Variants in MAST4 observed in about 807,000 individuals in gnomAD.
The protein encoded by MAST4 is microtubule associated serine/threonine kinase family member 4.
In MAST4, 89 loss-of-function variants were observed where a neutral mutation model predicts 162.7. The observed-to-expected ratio is 0.55, with a 90% CI of 0.46 to 0.65. The LOEUF (loss-of-function observed/expected upper bound fraction) is 0.65, where lower values mean the gene tolerates loss of function less well. Ranked by LOEUF, MAST4 falls within the 30% of genes least tolerant of loss-of-function variation. MAST4 has a pLI of 0.00. For synonymous variants in MAST4, 1,479 were observed against 1,361.1 expected, an observed-to-expected ratio of 1.09 and a Z score of -1.91; for missense variants, 3,153 against 3,374.0, an observed-to-expected ratio of 0.93 and a Z score of 1.62.
At chr5:66,696,250 G>A (rs536154930) in intron 1 of MAST4, among the ~76,000 whole-genome samples, 2 of 152,168 alleles carry the variant, frequency 1.3e-5, no homozygotes, top group South Asian at 4.2e-4. Context: ...GCTAAAGCAT[G>A]CAGGGCTTAA....
At chr5:66,745,876 A>G (rs756574856) in intron 1 of MAST4, among the ~76,000 whole-genome samples, 7 of 152,240 alleles carry the variant, frequency 4.6e-5, no homozygotes, top group Non-Finnish European at 8.8e-5. Context: ...TTTTAAAGCA[A>G]TTCTGGGTTG....
intron 3 of MAST4, among the ~76,000 whole-genome samples, chr5:66,834,463 G>A (rs1170197715): frequency 6.6e-6 from 1 of 152,170 alleles, no homozygotes; most frequent in African/African-American, 2.4e-5. Context: ...ACACCAGAGG[G>A]AAAGGGAGCC....
At chr5:66,936,674 G>A (rs1742784093) in intron 4 of MAST4, among the ~76,000 whole-genome samples, 1 of 152,162 alleles carries the variant, frequency 6.6e-6, no homozygotes, top group Non-Finnish European at 1.5e-5. Context: ...GTACATGCAG[G>A]TCACAGGGGA....
At position 66,759,881 on chromosome 5, in the gene MAST4, G is replaced by T; in HGVS notation, c.517+19G>T. The T allele has an allele frequency of 6.2e-7, 1 of 1,612,922 alleles. No individual in the cohort carries two copies. The highest frequency in any genetic ancestry group is 8.5e-7 in the Non-Finnish European group (1 of 1,179,242). Reference sequence around the variant, plus strand: ...CTGACTGGTGAGTCGCAGCGGCTTGGATGAGAGAAGGAATTGCATTTCTTT... The same window carrying T: ...CTGACTGGTGAGTCGCAGCGGCTTGTATGAGAGAAGGAATTGCATTTCTTT... On this transcript the variant is annotated intron_variant, in intron 2 of 28. Transcript: ENST00000403625.
At chr5:66,878,970 C>T (rs1761490640) in intron 3 of MAST4, among the ~76,000 whole-genome samples, 1 of 152,204 alleles carries the variant, frequency 6.6e-6, no homozygotes, top group Admixed American at 6.5e-5. Flanking sequence ...AAATGATTCT[C>T]AACTACCCTT....
chr5:67,078,665 ATATTTATATTATATT>A (rs952038090), intron 5 of MAST4, among the ~76,000 whole-genome samples: 1 of 135,842 alleles, frequency 7.4e-6, no homozygotes, highest in African/African-American at 2.8e-5. Flanking sequence ...TATTTATTTT[ATATTTATATTATATT>A]TATTTATATT....
At chr5:66,643,752 A>G (rs1745637159) in intron 1 of MAST4, among the ~76,000 whole-genome samples, 1 of 151,984 alleles carries the variant, frequency 6.6e-6, no homozygotes. Flanking sequence ...ATTAAACTGT[A>G]TTCATTCTGT....
intron 4 of MAST4, among the ~76,000 whole-genome samples, chr5:66,943,321 G>C (rs1213173266): frequency 1.3e-5 from 2 of 152,038 alleles, no homozygotes; most frequent in East Asian, 3.9e-4. Context: ...TTTATAAATG[G>C]AAGCTATGGT....
intron 3 of MAST4, among the ~76,000 whole-genome samples, chr5:66,861,295 T>C (rs1760099710): frequency 6.6e-6 from 1 of 152,200 alleles, no homozygotes; most frequent in Non-Finnish European, 1.5e-5. Flanking sequence ...GTGAATTGGG[T>C]CAGTGTTAAA....
intron 3 of MAST4, among the ~76,000 whole-genome samples, chr5:66,801,903 C>T (rs1292876734): frequency 6.6e-6 from 1 of 152,096 alleles, no homozygotes; most frequent in Non-Finnish European, 1.5e-5. Flanking sequence ...TGAAAAGCTG[C>T]AGAATTTATA....
Position 67,104,413 on chromosome 5 carries a change from C to T in MAST4, c.1194C>T (p.Tyr398=), listed in dbSNP as rs752527883. The T allele has an allele frequency of 6.2e-6, 10 of 1,613,754 alleles. No homozygotes were observed. In the African/African-American group the frequency reaches 1.1e-4, roughly 17 times the overall value. The change falls in exon 10 of 29, where the codon TAC becomes TAT. Residue 398 remains tyrosine, a synonymous_variant. Coordinates refer to ENST00000403625, the MANE Select transcript of MAST4 (RefSeq NM_001164664.2). ...EERLKEIITS[Y]SPDNVLPLAD... is the part of the protein sequence containing the mutation. The stretch of plus-strand genomic sequence containing the variant: ...GTCTAAAGGAAATTATCACCAGCTA[C>T]TCTCCTGACAACGTTCTACCCTTAG...
chr5:66,653,889 C>A (rs139385650), intron 1 of MAST4, among the ~76,000 whole-genome samples: 1 of 152,142 alleles, frequency 6.6e-6, no homozygotes, highest in Non-Finnish European at 1.5e-5. Context: ...GTTGTAAGTT[C>A]TGTAAAGGAG....
At position 67,165,231 on chromosome 5, in the gene MAST4, G is replaced by A. The variant is rs755426473; in HGVS notation, c.6052G>A (p.Val2018Met). 11 of 1,612,522 alleles carry A rather than the reference G, an allele frequency of 6.8e-6. No individual in the cohort carries two copies. Among genetic ancestry groups the A allele is most frequent in the South Asian group, 1.1e-5 (1 of 90,940 alleles). ...TGACAACTCCAAAAATCTCCTCTCT[G>A]TGGGAAGGACCCACCCAGATTTCTA... ...TSDNSKNLLS[V>M]GRTHPDFYTQ... Residue 2018 changes from valine to methionine, a missense_variant, in exon 29 of 29, where the codon GTG becomes ATG. This residue lies in a region of MAST4 where 1,644 missense variants were observed against 1,495.0 expected (regional missense o/e 1.10). Coordinates refer to ENST00000403625, the MANE Select transcript of MAST4 (RefSeq NM_001164664.2).
chr5:67,121,340 G>A (rs2150953873), intron 14 of MAST4, among the ~76,000 whole-genome samples: 1 of 152,008 alleles, frequency 6.6e-6, no homozygotes. Flanking sequence ...AGATTTTCAA[G>A]GAAAAATTTT....
At chr5:66,975,419 G>A (rs1459187738) in intron 4 of MAST4, among the ~76,000 whole-genome samples, 1 of 152,146 alleles carries the variant, frequency 6.6e-6, no homozygotes, top group African/African-American at 2.4e-5. Context: ...AGAAGAAGGA[G>A]CCCAGGAGTA....
intron 3 of MAST4, among the ~76,000 whole-genome samples, chr5:66,895,672 A>G (rs768952951): frequency 1.3e-5 from 2 of 152,162 alleles, no homozygotes; most frequent in African/African-American, 2.4e-5. Context: ...GGTCCTAGCT[A>G]GAATCTCTCT....
chr5:67,132,859 A>G (rs2150999557), intron 16 of MAST4, among the ~76,000 whole-genome samples: 1 of 152,288 alleles, frequency 6.6e-6, no homozygotes, highest in Admixed American at 6.5e-5. Context: ...ACCAAAGACA[A>G]CTATTAAAAT....
At chr5:66,705,009 T>C (rs1206370815) in intron 1 of MAST4, among the ~76,000 whole-genome samples, 1 of 152,190 alleles carries the variant, frequency 6.6e-6, no homozygotes, top group Non-Finnish European at 1.5e-5. Context: ...GATCAAGCTG[T>C]GAATGTTAGG....
chr5:66,724,023 G>C (rs1383611643), intron 1 of MAST4, among the ~76,000 whole-genome samples: 1 of 152,044 alleles, frequency 6.6e-6, no homozygotes, highest in Non-Finnish European at 1.5e-5. Flanking sequence ...GGGAAACAAG[G>C]GGGATATTTT....
Sources: allele counts gnomAD v4.1 joint callset (sites outside exome capture counted in the v4.1 genomes callset), GRCh38; gene constraint gnomAD v4.1.1; regional missense constraint gnomAD v4.1.1; transcripts MANE v1.5; gene names NCBI Gene and HGNC (gene_info 2026-07-23, HGNC 2026-07-21).